The following OTOF variants were observed in gnomAD, a reference collection of about 807,000 sequenced individuals.
The protein encoded by OTOF is fer-1-like family member 2.
OTOF carries 218 observed loss-of-function variants against 236.8 expected under a neutral mutation model. That is an observed-to-expected ratio of 0.92 (90% CI 0.82 to 1.03). The LOEUF (loss-of-function observed/expected upper bound fraction) is 1.03, where lower values mean the gene tolerates loss of function less well. Ranked by LOEUF, OTOF falls within the 50% of genes least tolerant of loss-of-function variation. OTOF has a pLI of 0.00. For missense variants in OTOF, 2,590 were observed against 2,694.4 expected, an observed-to-expected ratio of 0.96 and a Z score of 0.86; for synonymous variants, 1,041 against 1,072.5, an observed-to-expected ratio of 0.97 and a Z score of 0.57.
chr2:26,503,969 T>C (rs1308313540), intron 5 of OTOF, 124 bp from the exon 6 acceptor site: 44 of 840,684 alleles, frequency 5.2e-5, no homozygotes, highest in Non-Finnish European at 8.4e-5. Context: ...GCCCCTCACC[T>C]ACTGGTCCCG....
chr2:26,551,273 G>A (rs1349683192), intron 1 of OTOF, among the ~76,000 whole-genome samples: 7 of 152,216 alleles, frequency 4.6e-5, no homozygotes, highest in Non-Finnish European at 1.0e-4. Context: ...TTACAGGCGT[G>A]AGCCACCATG....
chr2:26,537,751 G>A lies in OTOF; in HGVS notation c.103C>T (p.Leu35=), dbSNP rs1572488741. 1.5e-5 allele frequency: 23 copies of A among 1,554,924 alleles called. No homozygotes were observed. Among genetic ancestry groups the A allele is most frequent in the Non-Finnish European group, 1.9e-5 (22 of 1,148,462 alleles). The part of the protein sequence containing the change: ...FRGQSFYSRV[L]ENCEDVADFD... ...TCAGCCACATCCTCACAGTTCTCCA[G>A]GACCCGAGAGTAGAAGGATTGCCCT... Residue 35 remains leucine (L), a synonymous_variant, in exon 2 of 47, where the codon CTG becomes TTG. Transcript: ENST00000272371.
chr2:26,465,642 C>A, intron 38 of OTOF, 30 bp downstream of exon 38: 2 of 1,608,372 alleles, frequency 1.2e-6, no homozygotes, highest in Non-Finnish European at 1.7e-6. Context: ...AGGCACACTG[C>A]CCCCGCCCTC....
rs1042321642 is a variant in OTOF, at chr2:26,458,279, C to G, written c.*18-59G>C. On this transcript the variant is annotated intron_variant, in intron 46 of 46. Coordinates refer to ENST00000272371, the MANE Select transcript of OTOF (RefSeq NM_194248.3). ...TGGGCAGGAGCTGCCTCCCAGTGCA[C>G]CCCATCCTCTGTCCTTCTGGACCCC... 9.3e-6 allele frequency: 14 copies of G among 1,505,182 alleles called. No homozygotes were observed. In the African/African-American group the frequency reaches 1.9e-4, roughly 21 times the overall value. The allele number at this position is 1,505,182 out of a possible 1,614,324, so 93.2% of individuals were successfully genotyped here.
chr2:26,474,175 G>A, intron 26 of OTOF, 65 bp from the exon 27 acceptor site: 1 of 1,604,652 alleles, frequency 6.2e-7, no homozygotes, highest in Non-Finnish European at 8.5e-7. Flanking sequence ...TTCCCCATGA[G>A]TTGTTTGCCA....
intron 5 of OTOF, among the ~76,000 whole-genome samples, chr2:26,515,167 G>A (rs946476486): frequency 6.6e-6 from 1 of 152,240 alleles, no homozygotes; most frequent in Non-Finnish European, 1.5e-5. Flanking sequence ...TGCAGGTGAG[G>A]AGAGAGGGTC....
At chr2:26,543,243 C>T (rs887212279) in intron 1 of OTOF, among the ~76,000 whole-genome samples, 1 of 152,220 alleles carries the variant, frequency 6.6e-6, no homozygotes, top group Non-Finnish European at 1.5e-5. Flanking sequence ...AGGGCCCAAG[C>T]ACCCCTGCGT....
rs755169152 is a variant in OTOF, at chr2:26,520,561, CCTT to C, written c.228-1455_228-1453del. 3.4e-4 allele frequency among the ~76,000 whole-genome samples: 51 copies of C among 152,200 alleles called. 1 individual carries two copies. The highest frequency in any genetic ancestry group is 6.8e-4 in the Non-Finnish European group (46 of 68,040). ...TGAGGATGAAACTGACCACGCCACTCCTTCACTCTAAAGCCGAACTGGGCTTCT... is the reference window on the plus strand; with the variant it reads ...TGAGGATGAAACTGACCACGCCACTCCACTCTAAAGCCGAACTGGGCTTCT... On this transcript the variant is annotated intron_variant, in intron 3 of 46. Transcript: ENST00000272371.
At chr2:26,544,759 C>T (rs926590535) in intron 1 of OTOF, among the ~76,000 whole-genome samples, 9 of 151,958 alleles carry the variant, frequency 5.9e-5, no homozygotes, top group South Asian at 2.1e-4. Context: ...AATTGCTGGC[C>T]GGGCGCAATG....
rs377667674 is a variant in OTOF, at chr2:26,479,454, G to A, written c.2093+19C>T. On this transcript the variant is annotated intron_variant, in intron 17 of 46. Transcript: ENST00000272371. Reference sequence around the variant, plus strand: ...AGGTGGGAGGGCCAGGCCACAGGAGGATGGGAGGCTGGGCCCACCTGTCGG... The same window carrying A: ...AGGTGGGAGGGCCAGGCCACAGGAGAATGGGAGGCTGGGCCCACCTGTCGG... The A allele has an allele frequency of 3.5e-4, 555 of 1,603,912 alleles. 4 individuals are homozygous for A. Among genetic ancestry groups the A allele is most frequent in the Admixed American group, 1.4e-4 (8 of 58,024 alleles).
In OTOF at chr2:26,467,592, C is replaced by A. The variant is rs559672435; in HGVS notation, c.4091-91G>T. The A allele has an allele frequency of 1.2e-5, 17 of 1,411,500 alleles. No individual in the cohort carries two copies. The Admixed American group carries it at 2.9e-4, about 24-fold the overall frequency. 87.4% of individuals were successfully genotyped at this position (1,411,500 alleles called of 1,614,324 possible). Reference sequence around the variant, plus strand: ...CCAGCTCTGTCGCTAATTTGCTTTACTAACTTAACTCTCGGATGTCCATGT... The same window carrying A: ...CCAGCTCTGTCGCTAATTTGCTTTAATAACTTAACTCTCGGATGTCCATGT... On this transcript the variant is annotated intron_variant, in intron 33 of 46. Coordinates refer to ENST00000272371, the MANE Select transcript of OTOF (RefSeq NM_194248.3).
In OTOF at chr2:26,472,545, G is replaced by A; in HGVS notation, c.3838C>T (p.Leu1280=). 6.2e-7 allele frequency: 1 copy of A among 1,613,576 alleles called. No homozygotes were observed. Among genetic ancestry groups the A allele is most frequent in the Non-Finnish European group, 8.5e-7 (1 of 1,180,034 alleles). The stretch of plus-strand genomic sequence containing the variant: ...GCGTCCAGCTTCACCATGGTCTCCA[G>A]TTTCTTGATGGGTACCTCTGGCTCC... ...TMEPEVPIKK[L]ETMVKLDATS... The change falls in exon 30 of 47, where the codon CTG becomes TTG. Residue 1280 remains leucine, a synonymous_variant. Transcript: ENST00000272371.
intron 1 of OTOF, among the ~76,000 whole-genome samples, chr2:26,544,724 G>A (rs1667288575): frequency 6.6e-6 from 1 of 152,188 alleles, no homozygotes; most frequent in Admixed American, 6.5e-5. Context: ...TATGTCACAG[G>A]ATAGGTACCC....
rs374591266 is a variant in OTOF at position 26,480,164 on chromosome 2, C to T, written c.1912+39G>A. On this transcript the variant is annotated intron_variant, in intron 16 of 46. Transcript: ENST00000272371. ...GCCTGAAGCCCCCGTGGGCCCAGCACTCACCTAGGCCCGAAGCCCCCGTGG... is the reference window on the plus strand; with the variant it reads ...GCCTGAAGCCCCCGTGGGCCCAGCATTCACCTAGGCCCGAAGCCCCCGTGG... 1.5e-5 allele frequency: 18 copies of T among 1,224,342 alleles called. No homozygotes were observed. The African/African-American group carries it at 2.4e-4, about 16-fold the overall frequency. The allele number at this position is 1,224,342 out of a possible 1,614,324, so 75.8% of individuals were successfully genotyped here.
Position 26,462,171 on chromosome 2 carries a change from G to A in OTOF, c.5203C>T (p.Arg1735Trp), listed in dbSNP as rs1172714485. Residue 1735 changes from arginine (R) to tryptophan (W), a missense_variant, in exon 42 of 47, where the codon CGG (arginine) becomes TGG (tryptophan). Coordinates refer to ENST00000272371, the MANE Select transcript of OTOF (RefSeq NM_194248.3). The surrounding 1 kb of genome is among the most constrained non-coding windows in gnomAD (Gnocchi z 4.7). ...TCATCTGTGTTCCAGATGATGACCCGCAGCTCGTACCTGGGCCCAGGGAGA... is the reference window on the plus strand; with the variant it reads ...TCATCTGTGTTCCAGATGATGACCCACAGCTCGTACCTGGGCCCAGGGAGA... ...SPRKPKKYEL[R>W]VIIWNTDEVV... 9 of 1,613,698 alleles carry A rather than the reference G, an allele frequency of 5.6e-6. No homozygotes were observed. Among genetic ancestry groups the A allele is most frequent in the Non-Finnish European group, 5.9e-6 (7 of 1,179,884 alleles).
At position 26,461,560 on chromosome 2, in the gene OTOF, A is replaced by T. The variant is rs1572400564; in HGVS notation, c.5533+136T>A. On this transcript the variant is annotated intron_variant, in intron 43 of 46. Coordinates refer to ENST00000272371, the MANE Select transcript of OTOF (RefSeq NM_194248.3). This position sits in a 1 kb window ranked among gnomAD's most constrained non-coding sequence, Gnocchi z 6.2. Reference sequence around the variant, plus strand: ...GTCCTTGGGGGCGGAACCCCGTCGGACACCCCTGGCTCTGATGGACTGGAA... The same window carrying T: ...GTCCTTGGGGGCGGAACCCCGTCGGTCACCCCTGGCTCTGATGGACTGGAA... 8.1e-7 allele frequency: 1 copy of T among 1,235,346 alleles called. No individual in the cohort carries two copies. Among genetic ancestry groups the T allele is most frequent in the East Asian group, 2.5e-5 (1 of 40,272 alleles). The allele number at this position is 1,235,346 out of a possible 1,614,324, so 76.5% of individuals were successfully genotyped here.
intron 1 of OTOF, among the ~76,000 whole-genome samples, chr2:26,550,870 T>C (rs999927086): frequency 6.6e-5 from 10 of 152,068 alleles, no homozygotes; most frequent in African/African-American, 2.4e-4. Flanking sequence ...AGACCCTCCG[T>C]GTTTGGCTGC....
chr2:26,533,031 G>C (rs1207544568), intron 2 of OTOF, among the ~76,000 whole-genome samples: 1 of 152,326 alleles, frequency 6.6e-6, no homozygotes, highest in South Asian at 2.1e-4. Flanking sequence ...GTTAGGAGCA[G>C]AGCCACACAG....
At chr2:26,548,303 G>A (rs997493529) in intron 1 of OTOF, among the ~76,000 whole-genome samples, 1 of 151,900 alleles carries the variant, frequency 6.6e-6, no homozygotes, top group South Asian at 2.1e-4. Flanking sequence ...ATTTGGTGGG[G>A]GGTGTTTGAT....
Sources: allele counts gnomAD v4.1 joint callset (sites outside exome capture counted in the v4.1 genomes callset), GRCh38; gene constraint gnomAD v4.1.1; non-coding constraint Gnocchi (gnomAD v3.1); transcripts MANE v1.5; gene names NCBI Gene and HGNC (gene_info 2026-07-23, HGNC 2026-07-21).